ASIC2: variants seen among roughly 807,000 people sequenced by gnomAD.
ASIC2 encodes acid sensing ion channel subunit 2.
In ASIC2, 25 loss-of-function variants were observed where a neutral mutation model predicts 57.3. The ratio of observed to expected loss-of-function variants is 0.44; its 90% CI spans 0.32 to 0.61. The LOEUF (loss-of-function observed/expected upper bound fraction) is 0.61. Ranked by LOEUF, ASIC2 falls within the 20% of genes least tolerant of loss-of-function variation. The pLI is 0.06. For missense variants in ASIC2, 641 were observed against 738.1 expected, an observed-to-expected ratio of 0.87 and a Z score of 1.52; for synonymous variants, 319 against 307.5, an observed-to-expected ratio of 1.04 and a Z score of -0.39.
chr17:33,683,088 G>A (rs78259689), intron 1 of ASIC2, among the ~76,000 whole-genome samples: 2,919 of 152,242 alleles, frequency 0.019, 103 homozygotes, highest in African/African-American at 0.066. Flanking sequence ...GCCCTATAAG[G>A]TGCTACAGAA....
intron 1 of ASIC2, among the ~76,000 whole-genome samples, chr17:34,074,209 G>C (rs1598008817): frequency 6.6e-6 from 1 of 152,310 alleles, no homozygotes; most frequent in East Asian, 1.9e-4. Context: ...AGAGGATGGT[G>C]ATACACACTG....
At chr17:34,063,305 A>C (rs1387082676) in intron 1 of ASIC2, among the ~76,000 whole-genome samples, 2 of 152,180 alleles carry the variant, frequency 1.3e-5, no homozygotes, top group Non-Finnish European at 2.9e-5. Context: ...AAAAGCATTC[A>C]ACAAAATCCA....
intron 1 of ASIC2, among the ~76,000 whole-genome samples, chr17:33,218,578 A>C (rs913883756): frequency 6.9e-6 from 1 of 144,914 alleles, no homozygotes; most frequent in African/African-American, 2.5e-5. Context: ...ATGCCTATTA[A>C]GTGGGAGCAT....
At chr17:33,714,319 C>T (rs1473407044) in intron 1 of ASIC2, among the ~76,000 whole-genome samples, 1 of 152,158 alleles carries the variant, frequency 6.6e-6, no homozygotes, top group African/African-American at 2.4e-5. Flanking sequence ...TTGCAACATT[C>T]ATTGTGTGTA....
intron 1 of ASIC2, among the ~76,000 whole-genome samples, chr17:34,055,411 A>T (rs912639674): frequency 6.6e-6 from 1 of 152,120 alleles, no homozygotes; most frequent in East Asian, 1.9e-4. Flanking sequence ...TCTTTTTTAC[A>T]GTTTTATTTT....
At chr17:34,097,478 A>T (rs1567819666) in intron 1 of ASIC2, among the ~76,000 whole-genome samples, 1 of 152,120 alleles carries the variant, frequency 6.6e-6, no homozygotes, top group Non-Finnish European at 1.5e-5. Context: ...TCCTATTTGG[A>T]AATAAGGTCA....
chr17:33,490,992 C>G (rs369849206), intron 1 of ASIC2, among the ~76,000 whole-genome samples: 2 of 152,124 alleles, frequency 1.3e-5, no homozygotes, highest in African/African-American at 2.4e-5. Context: ...TTCTAGGGGA[C>G]CTTTCTGCTC....
At chr17:33,869,830 C>T (rs146522705) in intron 1 of ASIC2, among the ~76,000 whole-genome samples, 85 of 152,292 alleles carry the variant, frequency 5.6e-4, no homozygotes, top group African/African-American at 1.9e-3. Context: ...AATAGTTGCA[C>T]AACTCTGTGT....
At chr17:34,036,504 C>T (rs187672897) in intron 1 of ASIC2, among the ~76,000 whole-genome samples, 2 of 150,666 alleles carry the variant, frequency 1.3e-5, no homozygotes, top group African/African-American at 4.9e-5. Flanking sequence ...CACACGTACC[C>T]TAAAACTTAA....
At chr17:33,918,878 C>G (rs1331440419) in intron 1 of ASIC2, among the ~76,000 whole-genome samples, 1 of 152,288 alleles carries the variant, frequency 6.6e-6, no homozygotes, top group East Asian at 1.9e-4. Context: ...AAACTTTGGT[C>G]TTCATGGATT....
chr17:33,862,592 G>A (rs1363379675), intron 1 of ASIC2, among the ~76,000 whole-genome samples: 1 of 152,204 alleles, frequency 6.6e-6, no homozygotes, highest in African/African-American at 2.4e-5. Context: ...AATGGCAGCA[G>A]TATCCATATT....
intron 1 of ASIC2, among the ~76,000 whole-genome samples, chr17:33,347,260 G>A (rs184401457): frequency 2.0e-3 from 309 of 152,328 alleles, no homozygotes; most frequent in Middle Eastern, 3.4e-3. Flanking sequence ...TTTCAGTATG[G>A]AAATCTTAGA....
At chr17:33,178,241 C>A (rs904133602) in intron 1 of ASIC2, among the ~76,000 whole-genome samples, 1 of 152,088 alleles carries the variant, frequency 6.6e-6, no homozygotes, top group Non-Finnish European at 1.5e-5. Context: ...TTCAAAACAA[C>A]ATATTGTACA....
chr17:33,882,446 C>T (rs1252008680), intron 1 of ASIC2, among the ~76,000 whole-genome samples: 12 of 152,068 alleles, frequency 7.9e-5, no homozygotes, highest in Admixed American at 2.0e-4. Context: ...AAAAAGTGGG[C>T]GAAGGATATG....
Position 33,730,616 on chromosome 17 carries a change from A to G in ASIC2, c.555+425362T>C, listed in dbSNP as rs1165610466. Among the ~76,000 whole-genome samples the G allele has an allele frequency of 2.6e-5, 4 of 152,348 alleles. No individual in the cohort carries two copies. The East Asian group carries it at 7.7e-4, about 29-fold the overall frequency. On this transcript the variant is annotated intron_variant, in intron 1 of 9. Transcript: ENST00000359872. ...GGGCTGGAAAAATGAGCTCTTCTAG[A>G]TGTTTGAAATAGTTCTCTCCTAAGT...
At chr17:33,411,291 C>G (rs1050271588) in intron 1 of ASIC2, among the ~76,000 whole-genome samples, 2 of 152,034 alleles carry the variant, frequency 1.3e-5, no homozygotes, top group Non-Finnish European at 2.9e-5. Flanking sequence ...ATGGTTGTTA[C>G]CATTTGTCCT....
intron 1 of ASIC2, among the ~76,000 whole-genome samples, chr17:33,259,727 G>A (rs1266981663): frequency 6.6e-6 from 1 of 152,112 alleles, no homozygotes; most frequent in Non-Finnish European, 1.5e-5. Flanking sequence ...CTGGGAATAG[G>A]GATGGAAGTA....
chr17:34,133,284 G>T (rs1912045195), intron 1 of ASIC2, among the ~76,000 whole-genome samples: 1 of 121,250 alleles, frequency 8.2e-6, no homozygotes. Flanking sequence ...TTTTATTTTT[G>T]TGGTGTAGGG....
chr17:33,051,822 C>G (rs370130976), intron 3 of ASIC2, among the ~76,000 whole-genome samples: 29 of 152,278 alleles, frequency 1.9e-4, no homozygotes, highest in African/African-American at 7.0e-4. Flanking sequence ...TTTTGTCTGC[C>G]TTAAGAAAAT....
Sources: allele counts gnomAD v4.1 joint callset (sites outside exome capture counted in the v4.1 genomes callset), GRCh38; gene constraint gnomAD v4.1.1; transcripts MANE v1.5; gene names NCBI Gene and HGNC (gene_info 2026-07-23, HGNC 2026-07-21).